The following NCAM2 variants were observed in gnomAD, a reference collection of about 807,000 sequenced individuals.
NCAM2 encodes the protein N-CAM-2.
Under a neutral mutation model 98.1 loss-of-function variants are expected in NCAM2, and 30 were observed. The observed-to-expected ratio is 0.31, with a 90% CI of 0.23 to 0.41. The LOEUF (loss-of-function observed/expected upper bound fraction) is 0.41, where lower values mean the gene tolerates loss of function less well. Among genes scored for constraint, NCAM2 ranks in the 10% least tolerant of loss-of-function variants. The pLI is 1.00. For missense variants in NCAM2, 867 were observed against 1,005.8 expected (o/e 0.86, Z 1.87); for synonymous variants, 368 against 342.4 (o/e 1.07, Z -0.83).
intron 4 of NCAM2, among the ~76,000 whole-genome samples, chr21:21,286,770 G>T (rs189343746): frequency 6.6e-6 from 1 of 151,938 alleles, no homozygotes; most frequent in Admixed American, 6.6e-5. Flanking sequence ...AGTACCTGGA[G>T]ATTTACAGAA....
chr21:21,410,489 T>C lies in NCAM2; in HGVS notation c.1383+28T>C, dbSNP rs1266637827. 10 of 1,279,346 alleles carry C rather than the reference T, an allele frequency of 7.8e-6. No homozygotes were observed. The East Asian group carries it at 2.6e-4, about 34-fold the overall frequency. 79.2% of individuals were successfully genotyped at this position (1,279,346 alleles called of 1,614,324 possible). A position where few individuals can be genotyped will look rare whatever the true frequency, so the allele number is the denominator to read the frequency against. ...AAGTCCACATGTATACATCAATAAA[T>C]TGTATTATTTTAACAACTATCTACT... On this transcript the variant is annotated intron_variant, in intron 10 of 17. Transcript: ENST00000400546.
At chr21:21,396,060 G>T (rs967589988) in intron 9 of NCAM2, among the ~76,000 whole-genome samples, 7 of 151,488 alleles carry the variant, frequency 4.6e-5, no homozygotes, top group Non-Finnish European at 8.8e-5. Context: ...GAAATAATCG[G>T]CCAGTAAACA....
intron 1 of NCAM2, among the ~76,000 whole-genome samples, chr21:21,153,296 A>AT (rs572350004): frequency 7.5e-4 from 107 of 143,498 alleles, no homozygotes; most frequent in East Asian, 5.5e-3. Context: ...TTTAAATGTC[A>AT]TTTTTTTTTT....
intron 11 of NCAM2, among the ~76,000 whole-genome samples, chr21:21,431,011 G>A (rs1033857918): frequency 1.5e-5 from 2 of 131,142 alleles, no homozygotes; most frequent in African/African-American, 6.0e-5. Flanking sequence ...TCACGCCACT[G>A]CACTCCAGCC....
At chr21:21,136,209 C>T (rs886402389) in intron 1 of NCAM2, among the ~76,000 whole-genome samples, 1 of 152,164 alleles carries the variant, frequency 6.6e-6, no homozygotes, top group African/African-American at 2.4e-5. Context: ...CCTCACTATT[C>T]TTTACCATTT....
chr21:21,025,031 A>G (rs1014078542), intron 1 of NCAM2, among the ~76,000 whole-genome samples: 4 of 152,232 alleles, frequency 2.6e-5, no homozygotes, highest in African/African-American at 9.6e-5. Flanking sequence ...TCTTTCCTCT[A>G]AATACACACT....
chr21:21,311,068 T>C (rs1469183467), intron 5 of NCAM2, among the ~76,000 whole-genome samples: 1 of 152,230 alleles, frequency 6.6e-6, no homozygotes, highest in Non-Finnish European at 1.5e-5. Context: ...GAAATTATAA[T>C]TTATTTGCCT....
At chr21:21,115,989 G>A (rs201850102) in intron 1 of NCAM2, among the ~76,000 whole-genome samples, 10 of 130,748 alleles carry the variant, frequency 7.6e-5, no homozygotes, top group Middle Eastern at 4.0e-3. Flanking sequence ...GTGTGTGTGT[G>A]TGTCTGTCTG....
intron 11 of NCAM2, among the ~76,000 whole-genome samples, chr21:21,421,459 GA>G (rs1164792896): frequency 6.6e-6 from 1 of 151,896 alleles, no homozygotes; most frequent in Admixed American, 6.6e-5. Flanking sequence ...ATTTGTTTTA[GA>G]AAAAGGTGGA....
chr21:21,278,559 T>C (rs1321218854), intron 1 of NCAM2, among the ~76,000 whole-genome samples: 3 of 152,176 alleles, frequency 2.0e-5, no homozygotes, highest in African/African-American at 7.2e-5. Context: ...CTTTTATTTT[T>C]CTTTCTGAAA....
intron 1 of NCAM2, among the ~76,000 whole-genome samples, chr21:21,125,702 C>CGT (rs1569050157): frequency 1.0e-5 from 1 of 97,748 alleles, no homozygotes; most frequent in Non-Finnish European, 2.1e-5. Flanking sequence ...TAATATTTTA[C>CGT]ATATATATAT....
intron 1 of NCAM2, among the ~76,000 whole-genome samples, chr21:21,036,725 G>T (rs1030652966): frequency 6.6e-6 from 1 of 152,130 alleles, no homozygotes; most frequent in Non-Finnish European, 1.5e-5. Context: ...GGCATCATAG[G>T]TTATAGGACA....
chr21:21,108,353 A>G (rs137984782), intron 1 of NCAM2, among the ~76,000 whole-genome samples: 13 of 152,230 alleles, frequency 8.5e-5, no homozygotes, highest in Admixed American at 7.9e-4. Flanking sequence ...TTTCTCTTGT[A>G]AAAGTTGAAA....
At chr21:21,031,855 GTCTT>G (rs999343950) in intron 1 of NCAM2, among the ~76,000 whole-genome samples, 21 of 151,876 alleles carry the variant, frequency 1.4e-4, no homozygotes, top group African/African-American at 4.6e-4. Flanking sequence ...CTTGTGCAAT[GTCTT>G]TATTTGTAAA....
At chr21:21,041,202 C>T (rs543369905) in intron 1 of NCAM2, among the ~76,000 whole-genome samples, 5 of 152,132 alleles carry the variant, frequency 3.3e-5, no homozygotes, top group African/African-American at 9.6e-5. Context: ...AACATAGAAC[C>T]TATGATGAAT....
At chr21:21,108,208 A>C (rs1163992746) in intron 1 of NCAM2, among the ~76,000 whole-genome samples, 1 of 152,080 alleles carries the variant, frequency 6.6e-6, no homozygotes, top group Non-Finnish European at 1.5e-5. Flanking sequence ...TGAAAAATGT[A>C]ATTTGACTCA....
chr21:21,367,110 A>C (rs1050103251), intron 8 of NCAM2, among the ~76,000 whole-genome samples: 1 of 152,034 alleles, frequency 6.6e-6, no homozygotes, highest in Non-Finnish European at 1.5e-5. Flanking sequence ...GAAGAGCTTC[A>C]TAATATAATT....
At chr21:21,522,632 C>CTTTTTTTTTTTTTTTTTTTTTTTTTTTT (rs61635255) in intron 16 of NCAM2, among the ~76,000 whole-genome samples, 1 of 124,780 alleles carries the variant, frequency 8.0e-6, no homozygotes, top group Non-Finnish European at 1.6e-5. Flanking sequence ...TTTTCTTTTT[C>CTTTTTTTTTTTTTTTTTTTTTTTTTTTT]TTTTTTTTTT....
chr21:21,486,534 T>C (rs879409884), intron 15 of NCAM2, among the ~76,000 whole-genome samples: 11 of 152,120 alleles, frequency 7.2e-5, no homozygotes, highest in Non-Finnish European at 1.5e-4. Flanking sequence ...GTAGAAGGCG[T>C]TGATAAAAAG....
Sources: gnomAD v4.1 joint callset for allele counts (sites outside exome capture counted in the v4.1 genomes callset) on GRCh38, gnomAD v4.1.1 for gene constraint, MANE v1.5 for transcripts, NCBI Gene and HGNC (gene_info 2026-07-23, HGNC 2026-07-21) for gene names.